The following RASGEF1C variants were observed in gnomAD, a reference collection of about 807,000 sequenced individuals.
The protein encoded by RASGEF1C is RasGEF domain family member 1C.
Under a neutral mutation model 58.1 loss-of-function variants are expected in RASGEF1C, and 27 were observed. The observed-to-expected ratio is 0.46, with a 90% CI of 0.34 to 0.64. The LOEUF is 0.64. Among genes scored for constraint, RASGEF1C ranks in the 30% least tolerant of loss-of-function variants. The pLI, the probability that RASGEF1C is intolerant of heterozygous loss-of-function variation, is 0.01. For missense variants in RASGEF1C, 502 were observed against 605.1 expected (o/e 0.83, Z 1.79); for synonymous variants, 243 against 246.3 (o/e 0.99, Z 0.13).
chr5:180,122,708 T>C, intron 6 of RASGEF1C, among the ~76,000 whole-genome samples: 1 of 139,140 alleles, frequency 7.2e-6, no homozygotes, highest in Admixed American at 7.7e-5. Context: ...GCCACCGCAC[T>C]CCAGCCTGGG....
chr5:180,194,816 C>T (rs1443612809), intron 1 of RASGEF1C, among the ~76,000 whole-genome samples: 3 of 152,248 alleles, frequency 2.0e-5, no homozygotes, highest in Non-Finnish European at 4.4e-5. Flanking sequence ...AACCAGCCCT[C>T]TCTCCCCAGC....
At chr5:180,136,543 C>T (rs755592262) in intron 3 of RASGEF1C, 28 bp from the exon 4 acceptor site, 2 of 1,555,384 alleles carry the variant, frequency 1.3e-6, no homozygotes, top group South Asian at 1.2e-5. Context: ...GCACCGCGCT[C>T]GTGAGGGGCG....
At chr5:180,125,200 A>G (rs1303852126) in intron 6 of RASGEF1C, among the ~76,000 whole-genome samples, 1 of 152,192 alleles carries the variant, frequency 6.6e-6, no homozygotes, top group African/African-American at 2.4e-5. Context: ...TTTAAAAACT[A>G]ATATAAACAA....
At chr5:180,174,552 G>A (rs1334695808) in intron 1 of RASGEF1C, among the ~76,000 whole-genome samples, 5 of 145,950 alleles carry the variant, frequency 3.4e-5, no homozygotes, top group Admixed American at 6.7e-5. Context: ...GTGTGTGCGT[G>A]TGTCTGTGTG....
intron 4 of RASGEF1C, among the ~76,000 whole-genome samples, chr5:180,131,303 C>A (rs1766364970): frequency 6.6e-6 from 1 of 152,178 alleles, no homozygotes; most frequent in African/African-American, 2.4e-5. Flanking sequence ...TGCGCCCTTG[C>A]TCCCCTTCTG....
At position 180,171,586 on chromosome 5, in the gene RASGEF1C, C is replaced by A. The variant is rs550087446; in HGVS notation, c.-6-33528G>T. On this transcript the variant is annotated intron_variant, in intron 1 of 13. Transcript: ENST00000361132. The stretch of plus-strand genomic sequence containing the variant: ...GCCCCTGGGTCCCAGGCTCTGTCCC[C>A]ACGCAGGTCAGCGTGAGCTGCCTGA... Among the ~76,000 whole-genome samples, 16 of 152,296 alleles carry A rather than the reference C, an allele frequency of 1.1e-4. No homozygotes were observed. The South Asian group carries it at 3.1e-3, about 30-fold the overall frequency.
At chr5:180,134,971 A>C in intron 4 of RASGEF1C, among the ~76,000 whole-genome samples, 1 of 133,724 alleles carries the variant, frequency 7.5e-6, no homozygotes, top group African/African-American at 2.8e-5. Flanking sequence ...ATTCTTTCCC[A>C]CATTCATCTA....
intron 1 of RASGEF1C, among the ~76,000 whole-genome samples, chr5:180,202,752 G>GAGT (rs1178418494): frequency 6.6e-6 from 1 of 151,096 alleles, no homozygotes; most frequent in Non-Finnish European, 1.5e-5. Context: ...GCCCAGGCTG[G>GAGT]AGTGCAGTGG....
intron 1 of RASGEF1C, among the ~76,000 whole-genome samples, chr5:180,161,447 CA>C (rs1222469704): frequency 6.6e-6 from 1 of 152,258 alleles, no homozygotes; most frequent in Non-Finnish European, 1.5e-5. Context: ...CCACGGCAGC[CA>C]GGGGGGAACT....
intron 3 of RASGEF1C, 24 bp from the exon 4 acceptor site, chr5:180,136,539 C>T (rs1385811755): frequency 1.2e-5 from 18 of 1,561,440 alleles, no homozygotes; most frequent in East Asian, 9.4e-5. Flanking sequence ...AGGGGCACCG[C>T]GCTCGTGAGG....
At chr5:180,184,815 C>G (rs1424571804) in intron 1 of RASGEF1C, among the ~76,000 whole-genome samples, 1 of 152,154 alleles carries the variant, frequency 6.6e-6, no homozygotes, top group Non-Finnish European at 1.5e-5. Context: ...GAAGGCCATT[C>G]CATAATGACA....
chr5:180,145,651 C>T (rs1766651863), intron 1 of RASGEF1C, among the ~76,000 whole-genome samples: 1 of 152,076 alleles, frequency 6.6e-6, no homozygotes, highest in Non-Finnish European at 1.5e-5. Flanking sequence ...AGACTTTTCC[C>T]CACTTTTTTC....
chr5:180,178,906 G>T (rs192711504), intron 1 of RASGEF1C, among the ~76,000 whole-genome samples: 218 of 152,216 alleles, frequency 1.4e-3, no homozygotes, highest in Admixed American at 4.3e-3. Context: ...AATGTTCTTG[G>T]GGGGGGAGGG....
rs1766469729 is a variant in RASGEF1C at position 180,136,274 on chromosome 5, T to C, written c.438+104A>G. On this transcript the variant is annotated intron_variant, in intron 4 of 13. Coordinates refer to ENST00000361132, the MANE Select transcript of RASGEF1C (RefSeq NM_175062.4). ...GCGGCTGGATTTGGACGGGCCGTGG[T>C]GTGCAGGGTGGGGAGATGAGGGCCC... 6.8e-6 allele frequency: 8 copies of C among 1,169,100 alleles called. No homozygotes were observed. In the South Asian group the frequency reaches 1.3e-4, roughly 19 times the overall value. The allele number at this position is 1,169,100 out of a possible 1,614,324, so 72.4% of individuals were successfully genotyped here.
intron 12 of RASGEF1C, among the ~76,000 whole-genome samples, chr5:180,108,511 A>G (rs1015981022): frequency 3.3e-5 from 5 of 151,704 alleles, no homozygotes; most frequent in South Asian, 2.1e-4. Context: ...GTTTCAGTCT[A>G]TTTTCTCCCT....
rs138557835 is a variant in RASGEF1C at position 180,126,492 on chromosome 5, A to T, written c.714+1117T>A. ...CCCAGAGCAGTCAGCATTCCTAGAG[A>T]GTGCTGACGGACACAGGCAACATAC... is the stretch of plus-strand genomic sequence containing the variant. On this transcript the variant is annotated intron_variant, in intron 6 of 13. Coordinates refer to ENST00000361132, the MANE Select transcript of RASGEF1C (RefSeq NM_175062.4). 9.4e-3 allele frequency among the ~76,000 whole-genome samples: 1,428 copies of T among 152,204 alleles called. 23 individuals are homozygous for T. The highest frequency in any genetic ancestry group is 0.014 in the Middle Eastern group (4 of 294).
intron 1 of RASGEF1C, among the ~76,000 whole-genome samples, chr5:180,142,812 C>A (rs751025051): frequency 2.6e-5 from 4 of 152,100 alleles, no homozygotes; most frequent in Non-Finnish European, 5.9e-5. Flanking sequence ...AGTCATTCGT[C>A]CAAGCTGAAG....
At chr5:180,148,821 C>T (rs1766698845) in intron 1 of RASGEF1C, among the ~76,000 whole-genome samples, 1 of 152,124 alleles carries the variant, frequency 6.6e-6, no homozygotes, top group Non-Finnish European at 1.5e-5. Flanking sequence ...TTTGTTAACA[C>T]AGCTTTGAAT....
In RASGEF1C at chr5:180,158,198, C is replaced by T. The variant is rs1040064183; in HGVS notation, c.-6-20140G>A. Among the ~76,000 whole-genome samples the T allele has an allele frequency of 6.6e-5, 10 of 152,158 alleles. No homozygotes were observed. Among genetic ancestry groups the T allele is most frequent in the African/African-American group, 1.7e-4 (7 of 41,430 alleles). Reference sequence around the variant, plus strand: ...TGATGATCATCTACTTCCTAGCTCACGCTGCTGCAGTGGGGCTCAGTTGCC... The same window carrying T: ...TGATGATCATCTACTTCCTAGCTCATGCTGCTGCAGTGGGGCTCAGTTGCC... On this transcript the variant is annotated intron_variant, in intron 1 of 13. Coordinates refer to ENST00000361132, the MANE Select transcript of RASGEF1C (RefSeq NM_175062.4). The surrounding 1 kb of genome is among the most constrained non-coding windows in gnomAD (Gnocchi z 4.0).
Sources: allele counts gnomAD v4.1 joint callset (sites outside exome capture counted in the v4.1 genomes callset), GRCh38; gene constraint gnomAD v4.1.1; non-coding constraint Gnocchi (gnomAD v3.1); transcripts MANE v1.5; gene names NCBI Gene and HGNC (gene_info 2026-07-23, HGNC 2026-07-21).